NIPBL: variants seen among roughly 807,000 people sequenced by gnomAD.
The protein encoded by NIPBL is NIPBL cohesin loading factor.
Under a neutral mutation model 321.8 loss-of-function variants are expected in NIPBL, and 19 were observed. That is an observed-to-expected ratio of 0.06 (90% CI 0.04 to 0.09). The LOEUF is 0.09. Among genes scored for constraint, NIPBL ranks in the 10% least tolerant of loss-of-function variants. NIPBL has a pLI of 1.00. For synonymous variants in NIPBL, 1,106 were observed against 1,114.1 expected (o/e 0.99, Z 0.14); for missense variants, 2,210 against 3,327.0 (o/e 0.66, Z 8.26).
chr5:36,925,589 T>A (rs747731937), intron 1 of NIPBL, among the ~76,000 whole-genome samples: 6 of 152,098 alleles, frequency 3.9e-5, no homozygotes, highest in Non-Finnish European at 5.9e-5. Flanking sequence ...TTAAAATAAC[T>A]CTGAGGTAGG....
chr5:36,978,015 G>A (rs1212683682), intron 9 of NIPBL, among the ~76,000 whole-genome samples: 3 of 151,910 alleles, frequency 2.0e-5, no homozygotes, highest in Admixed American at 6.6e-5. Flanking sequence ...CCTGATGGAC[G>A]CTTAGGTTGA....
chr5:36,992,187 C>T (rs1381675671), intron 10 of NIPBL, among the ~76,000 whole-genome samples: 1 of 152,000 alleles, frequency 6.6e-6, no homozygotes, highest in Non-Finnish European at 1.5e-5. Flanking sequence ...TTCATCAAGC[C>T]AGTAACATAA....
At chr5:36,997,875 TGA>T (rs143902224) in intron 11 of NIPBL, among the ~76,000 whole-genome samples, 5 of 152,108 alleles carry the variant, frequency 3.3e-5, no homozygotes, top group African/African-American at 1.2e-4. Flanking sequence ...ATTATGCTGC[TGA>T]GAGAGAGAAA....
intron 31 of NIPBL, among the ~76,000 whole-genome samples, chr5:37,026,963 A>G (rs1750351540): frequency 6.6e-6 from 1 of 152,018 alleles, no homozygotes; most frequent in Non-Finnish European, 1.5e-5. Context: ...CAATTACATC[A>G]TCTTCTACAT....
chr5:36,883,479 T>A (rs1480660739), intron 1 of NIPBL, among the ~76,000 whole-genome samples: 3 of 152,040 alleles, frequency 2.0e-5, no homozygotes, highest in Non-Finnish European at 4.4e-5. Context: ...GCAGGTGAAA[T>A]GCACAGTTAT....
chr5:36,906,637 TAATC>T (rs1747662653), intron 1 of NIPBL, among the ~76,000 whole-genome samples: 1 of 152,208 alleles, frequency 6.6e-6, no homozygotes, highest in Non-Finnish European at 1.5e-5. Context: ...CTAACTACCT[TAATC>T]AAGTAAAAGA....
chr5:36,919,737 A>G (rs1003919018), intron 1 of NIPBL, among the ~76,000 whole-genome samples: 1 of 152,140 alleles, frequency 6.6e-6, no homozygotes, highest in African/African-American at 2.4e-5. Flanking sequence ...AACACAGCAA[A>G]TTGATCCATA....
chr5:37,052,653 T>C, intron 42 of NIPBL, 87 bp downstream of exon 42: 1 of 971,352 alleles, frequency 1.0e-6, no homozygotes, highest in Non-Finnish European at 1.6e-6. Context: ...ATTACCATTT[T>C]ATTAGTATAT....
At chr5:36,910,715 A>G (rs1159325412) in intron 1 of NIPBL, among the ~76,000 whole-genome samples, 1 of 152,128 alleles carries the variant, frequency 6.6e-6, no homozygotes, top group East Asian at 1.9e-4. Flanking sequence ...AAGAAGGTAA[A>G]GGTAAAGGGA....
chr5:37,000,501 C>A lies in NIPBL; in HGVS notation c.3433C>A (p.Arg1145Ser). ...HEGRRSSGGGRYRNRSPSDSD... is the reference protein window; with the variant it reads ...HEGRRSSGGGSYRNRSPSDSD... ...AGGAAGAAGGAGTTCAGGTGGTGGT[C>A]GTTATCGAAACCGAAGTCCGTCAGA... The change falls in exon 12 of 47, where the codon CGT (arginine) becomes AGT (serine). Residue 1145 changes from arginine to serine, a missense_variant. By Grantham distance (110) the Arg-to-Ser change is moderately radical. This residue lies in a region of NIPBL where 381 missense variants were observed against 642.3 expected (regional missense o/e 0.59). Coordinates refer to ENST00000282516, the MANE Select transcript of NIPBL (RefSeq NM_133433.4). The A allele has an allele frequency of 6.2e-7, 1 of 1,613,322 alleles. No homozygotes were observed. Among genetic ancestry groups the A allele is most frequent in the Non-Finnish European group, 8.5e-7 (1 of 1,179,520 alleles).
Position 37,022,402 on chromosome 5 carries a change from A to G in NIPBL, c.5574+12A>G. The G allele has an allele frequency of 6.3e-7, 1 of 1,592,938 alleles. No individual in the cohort carries two copies. The highest frequency in any genetic ancestry group is 8.6e-7 in the Non-Finnish European group (1 of 1,165,986). On this transcript the variant is annotated intron_variant, in intron 29 of 46. Transcript: ENST00000282516. ...TTGAAAGAATATTGGTATGTTTGTC[A>G]TTTTTATAATGATTCGTGAATATAA...
chr5:37,015,144 A>T (rs1748788085), intron 22 of NIPBL, among the ~76,000 whole-genome samples: 1 of 150,940 alleles, frequency 6.6e-6, no homozygotes, highest in Non-Finnish European at 1.5e-5. Flanking sequence ...TTTTAATGAG[A>T]CAGAGTTTCG....
chr5:37,062,775 C>T (rs1325864113), intron 45 of NIPBL, among the ~76,000 whole-genome samples: 1 of 152,032 alleles, frequency 6.6e-6, no homozygotes, highest in Non-Finnish European at 1.5e-5. Context: ...CAAACATTAG[C>T]CAGACATGGC....
chr5:36,997,828 A>C (rs947270435), intron 11 of NIPBL, among the ~76,000 whole-genome samples: 1 of 152,208 alleles, frequency 6.6e-6, no homozygotes, highest in South Asian at 2.1e-4. Flanking sequence ...GCACAATACA[A>C]AATGTGAAAC....
chr5:36,885,471 AC>A (rs1471993842), intron 1 of NIPBL: 1 of 487,650 alleles, frequency 2.1e-6, no homozygotes, highest in Admixed American at 2.3e-5. Context: ...CTGAACAACC[AC>A]CTGGCCTCCT....
chr5:36,967,708 A>G (rs1364512555), intron 6 of NIPBL, among the ~76,000 whole-genome samples: 2 of 152,072 alleles, frequency 1.3e-5, no homozygotes, highest in African/African-American at 2.4e-5. Context: ...TCTTTTTTCC[A>G]TACAGATGGG....
intron 9 of NIPBL, chr5:36,982,260 G>C (rs1744234051): frequency 1.0e-6 from 1 of 968,574 alleles, no homozygotes; most frequent in South Asian, 4.8e-5. Flanking sequence ...ATTCTTCATA[G>C]AGATGGCTTT....
chr5:36,927,717 A>G (rs977937565), intron 1 of NIPBL, among the ~76,000 whole-genome samples: 1 of 152,206 alleles, frequency 6.6e-6, no homozygotes, highest in Non-Finnish European at 1.5e-5. Context: ...TAAGTTTGAG[A>G]TGGTTGTTAG....
chr5:36,954,182 A>C (rs1387323932), intron 2 of NIPBL, among the ~76,000 whole-genome samples: 1 of 152,212 alleles, frequency 6.6e-6, no homozygotes, highest in East Asian at 1.9e-4. Context: ...TACCTGAATA[A>C]ATAAAAGGAA....
Sources: gnomAD v4.1 joint callset for allele counts (sites outside exome capture counted in the v4.1 genomes callset) on GRCh38, gnomAD v4.1.1 for gene constraint, gnomAD v4.1.1 regional missense constraint, MANE v1.5 for transcripts, NCBI Gene and HGNC (gene_info 2026-07-23, HGNC 2026-07-21) for gene names.